The following ADARB2 variants were observed in gnomAD, a reference collection of about 807,000 sequenced individuals.
ADARB2 encodes the protein inactive double-stranded RNA-specific editase B2.
Under a neutral mutation model 62.2 loss-of-function variants are expected in ADARB2, and 25 were observed. The observed-to-expected ratio is 0.40, with a 90% confidence interval of 0.29 to 0.56. The LOEUF (loss-of-function observed/expected upper bound fraction) is 0.56. Ranked by LOEUF, ADARB2 falls within the 20% of genes least tolerant of loss-of-function variation. The probability of loss-of-function intolerance (pLI) is 0.43; values close to 1 mark genes in which losing one functional copy is unlikely to be tolerated. For synonymous variants in ADARB2, 572 were observed against 500.8 expected (o/e 1.14, Z -1.90); for missense variants, 1,071 against 1,077.4 (o/e 0.99, Z 0.08).
At chr10:1,322,918 A>G (rs1564256810) in intron 3 of ADARB2, among the ~76,000 whole-genome samples, 3 of 152,296 alleles carry the variant, frequency 2.0e-5, no homozygotes, top group African/African-American at 7.2e-5. Context: ...CCATACTTGG[A>G]ACAGATTTGA....
intron 1 of ADARB2, chr10:1,675,981 C>A: frequency 2.0e-6 from 2 of 981,594 alleles, no homozygotes; most frequent in Non-Finnish European, 2.4e-6. Context: ...GGAGTAAGGG[C>A]TGCATCCCAC....
At chr10:1,214,220 G>A (rs1373235655) in intron 7 of ADARB2, among the ~76,000 whole-genome samples, 3 of 150,786 alleles carry the variant, frequency 2.0e-5, no homozygotes, top group Admixed American at 1.3e-4. Flanking sequence ...GTCCAGCATC[G>A]TGTAGGTTTG....
intron 1 of ADARB2, among the ~76,000 whole-genome samples, chr10:1,711,771 C>T (rs1053155900): frequency 1.3e-5 from 2 of 152,198 alleles, no homozygotes; most frequent in African/African-American, 4.8e-5. Context: ...CCCTCCTGCC[C>T]AGGCTCTTAT....
intron 1 of ADARB2, among the ~76,000 whole-genome samples, chr10:1,682,213 C>G (rs543101132): frequency 5.3e-5 from 8 of 152,284 alleles, no homozygotes; most frequent in African/African-American, 1.9e-4. Context: ...AATAAGAGAG[C>G]ACTGGGCGTC....
At chr10:1,640,585 G>A (rs973943806) in intron 1 of ADARB2, among the ~76,000 whole-genome samples, 1 of 152,078 alleles carries the variant, frequency 6.6e-6, no homozygotes, top group Non-Finnish European at 1.5e-5. Context: ...AACATCTTAA[G>A]CATTTTCCAG....
intron 3 of ADARB2, among the ~76,000 whole-genome samples, chr10:1,334,469 A>G (rs1484936218): frequency 6.6e-6 from 1 of 152,196 alleles, no homozygotes; most frequent in Non-Finnish European, 1.5e-5. Flanking sequence ...ACACATGTGC[A>G]AGTGTTTGTA....
intron 3 of ADARB2, among the ~76,000 whole-genome samples, chr10:1,279,786 G>C (rs1831354176): frequency 6.6e-6 from 1 of 152,126 alleles, no homozygotes; most frequent in Non-Finnish European, 1.5e-5. Context: ...TCCATGCTTG[G>C]CTCACTGTTA....
chr10:1,713,949 A>G (rs1834983057), intron 1 of ADARB2, among the ~76,000 whole-genome samples: 1 of 152,162 alleles, frequency 6.6e-6, no homozygotes, highest in Admixed American at 6.5e-5. Context: ...TGCTTCCTGG[A>G]GCTCTGAGGG....
chr10:1,450,885 G>A (rs1190141162), intron 1 of ADARB2, among the ~76,000 whole-genome samples: 4 of 152,218 alleles, frequency 2.6e-5, no homozygotes, highest in Non-Finnish European at 4.4e-5. Context: ...TGGGAAAGTG[G>A]TGACTTTTGG....
intron 1 of ADARB2, among the ~76,000 whole-genome samples, chr10:1,646,451 A>C (rs1280592464): frequency 6.6e-6 from 1 of 152,250 alleles, no homozygotes; most frequent in African/African-American, 2.4e-5. Context: ...AGAGCAAATC[A>C]GACATTGAAA....
intron 3 of ADARB2, among the ~76,000 whole-genome samples, chr10:1,303,124 C>G (rs1051953113): frequency 6.6e-6 from 1 of 151,558 alleles, no homozygotes; most frequent in Admixed American, 6.6e-5. Context: ...AAGTTGAAAA[C>G]TTTGAAAAAA....
chr10:1,683,414 C>T lies in ADARB2; in HGVS notation c.100+53637G>A, dbSNP rs138538704. ...CACATGAAAAACTTCTTAATTTATTCGAAAGGCAGAAGAAGTAGTGAGCTC... is the reference window on the plus strand; with the variant it reads ...CACATGAAAAACTTCTTAATTTATTTGAAAGGCAGAAGAAGTAGTGAGCTC... On this transcript the variant is annotated intron_variant, in intron 1 of 9. Transcript: ENST00000381312. Among the ~76,000 whole-genome samples the T allele has an allele frequency of 5.8e-3, 890 of 152,224 alleles. 10 individuals carry two copies. The highest frequency in any genetic ancestry group is 0.02 in the African/African-American group (838 of 41,522).
At chr10:1,362,925 CCTT>C (rs1832273498) in intron 3 of ADARB2, 100 bp downstream of exon 3, 4 of 1,123,736 alleles carry the variant, frequency 3.6e-6, no homozygotes, top group African/African-American at 1.6e-5. Context: ...CGCGGCCTCT[CCTT>C]CTCCGAGAAG....
intron 1 of ADARB2, among the ~76,000 whole-genome samples, chr10:1,692,261 C>T (rs1834683457): frequency 6.6e-6 from 1 of 152,188 alleles, no homozygotes; most frequent in Non-Finnish European, 1.5e-5. Flanking sequence ...CTTTCCTAAA[C>T]CTGTGACATT....
chr10:1,629,758 C>T (rs55728057), intron 1 of ADARB2, among the ~76,000 whole-genome samples: 4,374 of 152,172 alleles, frequency 0.029, 82 homozygotes, highest in Non-Finnish European at 0.044. Flanking sequence ...TAACCTGAGA[C>T]AAAATTTGCC....
At chr10:1,258,881 T>C (rs766264025) in intron 4 of ADARB2, among the ~76,000 whole-genome samples, 6 of 152,168 alleles carry the variant, frequency 3.9e-5, no homozygotes, top group Admixed American at 1.3e-4. Flanking sequence ...TATTCCAAAA[T>C]TGACCACATA....
chr10:1,429,369 C>T (rs562987658), intron 1 of ADARB2, among the ~76,000 whole-genome samples: 4 of 152,292 alleles, frequency 2.6e-5, no homozygotes, highest in Admixed American at 1.3e-4. Flanking sequence ...TAGGATAAAA[C>T]GCTCATCACT....
chr10:1,563,136 T>C (rs1832809420), intron 1 of ADARB2, among the ~76,000 whole-genome samples: 1 of 151,916 alleles, frequency 6.6e-6, no homozygotes, highest in Non-Finnish European at 1.5e-5. Flanking sequence ...CGTGAGTCCC[T>C]GTGTCCTCCA....
intron 1 of ADARB2, among the ~76,000 whole-genome samples, chr10:1,683,317 T>C (rs1328993711): frequency 4.6e-5 from 7 of 152,248 alleles, no homozygotes; most frequent in African/African-American, 9.6e-5. Flanking sequence ...ACTGACCTGA[T>C]TGAGCACATT....
Sources: gnomAD v4.1 joint callset for allele counts (sites outside exome capture counted in the v4.1 genomes callset) on GRCh38, gnomAD v4.1.1 for gene constraint, MANE v1.5 for transcripts, NCBI Gene and HGNC (gene_info 2026-07-23, HGNC 2026-07-21) for gene names.